CCDC74B: variants seen among roughly 807,000 people sequenced by gnomAD.
CCDC74B encodes coiled-coil domain-containing protein 74B.
In CCDC74B, 34 loss-of-function variants were observed where a neutral mutation model predicts 38.0. The observed-to-expected ratio is 0.89, with a 90% CI of 0.68 to 1.19. The LOEUF (loss-of-function observed/expected upper bound fraction) is 1.19, where lower values mean the gene tolerates loss of function less well. CCDC74B is among the 50% of genes most tolerant of loss of function. The pLI, the probability that CCDC74B is intolerant of heterozygous loss-of-function variation, is 0.00. For missense variants in CCDC74B, 358 were observed against 406.0 expected (o/e 0.88, Z 1.02); for synonymous variants, 132 against 170.4 (o/e 0.77, Z 1.76).
intron 1 of CCDC74B, 41 bp from the exon 2 acceptor site, chr2:130,143,354 A>T: frequency 6.2e-7 from 1 of 1,613,318 alleles, no homozygotes; most frequent in Non-Finnish European, 8.5e-7. Flanking sequence ...TTGTGAAACC[A>T]CAGCCATTCT....
In CCDC74B at chr2:130,144,953, G is replaced by A. The variant is rs779395547; in HGVS notation, c.44C>T (p.Ser15Leu). The change falls in exon 1 of 8, where the codon TCG becomes TTG. Residue 15 changes from serine to leucine, a missense_variant. By Grantham distance (145) the Ser-to-Leu change is moderately radical. This residue lies in a region of CCDC74B where 128 missense variants were observed against 146.7 expected (regional missense o/e 0.87). Transcript: ENST00000409943. ...CCGGCGCCGAGAGCCCGGGGTCGGC[G>A]AGCTGGGGGGCCGCGTCCCAGCCGC... is the stretch of plus-strand genomic sequence containing the variant. Reference protein sequence around the residue: ...GVAAGTRPPSSPTPGSRRRRQ... With the variant: ...GVAAGTRPPSLPTPGSRRRRQ... The A allele has an allele frequency of 1.9e-5, 29 of 1,493,000 alleles. 1 individual carries two copies. The highest frequency in any genetic ancestry group is 4.9e-4 in the Middle Eastern group (2 of 4,078). 92.5% of individuals were successfully genotyped at this position (1,493,000 alleles called of 1,614,324 possible).
Position 130,140,368 on chromosome 2 carries a change from C to T in CCDC74B, c.489G>A (p.Lys163=). 3 of 1,569,774 alleles carry T rather than the reference C, an allele frequency of 1.9e-6. No individual in the cohort carries two copies. Among genetic ancestry groups the T allele is most frequent in the Non-Finnish European group, 2.6e-6 (3 of 1,159,322 alleles). The change falls in exon 5 of 8, where the codon AAG becomes AAA. Residue 163 remains lysine (K), a synonymous_variant. Transcript: ENST00000409943. ...CTGCGTTAGAGGCCTCTGCTTTCTC[C>T]TTTCTGAAACAGTCATTGCAGCAGC... is the stretch of plus-strand genomic sequence containing the variant. ...KVPGVQGQAR[K]EKAEASNAGA...
Position 130,144,985 on chromosome 2 carries a change from C to G in CCDC74B, c.12G>C (p.Ala4=). The G allele has an allele frequency of 6.9e-7, 1 of 1,457,368 alleles. No individual in the cohort carries two copies. The highest frequency in any genetic ancestry group is 9.0e-7 in the Non-Finnish European group (1 of 1,105,452). 90.3% of individuals were successfully genotyped at this position (1,457,368 alleles called of 1,614,324 possible). A position where few individuals can be genotyped will look rare whatever the true frequency, so the allele number is the denominator to read the frequency against. The change falls in exon 1 of 8, where the codon GCG becomes GCC. Residue 4 remains alanine (A), a synonymous_variant. Coordinates refer to ENST00000409943, the MANE Select transcript of CCDC74B (RefSeq NM_001258307.2). ...GGGGCCGCGTCCCAGCCGCCACCCC[C>G]GCACCGCTCATATCGCCATCGCCAG... MSG[A]GVAAGTRPPS...
rs986949965 is a variant in CCDC74B, at chr2:130,139,405, G to T, written c.*150C>A. The stretch of plus-strand genomic sequence containing the variant: ...CAGCTAGAAAATAAACAGTTTGTCA[G>T]TTTGGAGATCAAGTACTTTATCTAT... On this transcript the variant is annotated 3_prime_UTR_variant, in exon 8 of 8. Transcript: ENST00000409943. 6 of 1,011,850 alleles carry T rather than the reference G, an allele frequency of 5.9e-6. No individual in the cohort carries two copies. Among genetic ancestry groups the T allele is most frequent in the Admixed American group, 5.8e-5 (2 of 34,472 alleles). 62.7% of individuals were successfully genotyped at this position (1,011,850 alleles called of 1,614,324 possible). A position where few individuals can be genotyped will look rare whatever the true frequency, so the allele number is the denominator to read the frequency against.
intron 2 of CCDC74B, chr2:130,142,836 T>C: frequency 6.5e-7 from 1 of 1,550,224 alleles, no homozygotes; most frequent in East Asian, 2.4e-5. Flanking sequence ...CAGGAAGGGA[T>C]CCCTGGATGG....
Position 130,139,581 on chromosome 2 carries a change from G to C in CCDC74B, c.919C>G (p.Arg307Gly). The change falls in exon 8 of 8, where the codon CGG becomes GGG. Residue 307 changes from arginine to glycine, a missense_variant. By Grantham distance (125) the Arg-to-Gly change is moderately radical. Around this residue, in one of 3 missense-constraint regions of CCDC74B, gnomAD observed 213 missense variants for 212.3 expected, o/e 1.00. Transcript: ENST00000409943. ...RQKRLQAMQKRRLHRSVL is the reference protein window; with the variant it reads ...RQKRLQAMQKGRLHRSVL ...CAAAGCACCGAGCGATGCAGGCGCCGTTTCTGCATTGCCTGCAGCCTCTTC... is the reference window on the plus strand; with the variant it reads ...CAAAGCACCGAGCGATGCAGGCGCCCTTTCTGCATTGCCTGCAGCCTCTTC... 1 of 1,613,350 alleles carries C rather than the reference G, an allele frequency of 6.2e-7. No individual in the cohort carries two copies.
intron 2 of CCDC74B, 118 bp from the exon 3 acceptor site, chr2:130,142,301 C>G (rs1235652833): frequency 6.2e-7 from 1 of 1,609,300 alleles, no homozygotes; most frequent in East Asian, 2.2e-5. Flanking sequence ...CCTCCCGGCT[C>G]TACCCACACT....
In CCDC74B at chr2:130,144,830, C is replaced by G. The variant is rs1376498294; in HGVS notation, c.167G>C (p.Ser56Thr). 6.2e-7 allele frequency: 1 copy of G among 1,613,562 alleles called. No individual in the cohort carries two copies. The highest frequency in any genetic ancestry group is 1.7e-5 in the Admixed American group (1 of 60,018). The change falls in exon 1 of 8, where the codon AGC (serine) becomes ACC (threonine). Residue 56 changes from serine to threonine, a missense_variant. This residue lies in a region of CCDC74B where 128 missense variants were observed against 146.7 expected (regional missense o/e 0.87). Coordinates refer to ENST00000409943, the MANE Select transcript of CCDC74B (RefSeq NM_001258307.2). Reference protein sequence around the residue: ...PQKRNLDLEKSLQFLQQQHSE... With the variant: ...PQKRNLDLEKTLQFLQQQHSE... ...GTGCTGCTGCTGCAGGAACTGTAGG[C>G]TCTTCTCCAGGTCCAGGTTCCGTTT...
At chr2:130,144,170 C>G (rs1224153027) in intron 1 of CCDC74B, among the ~76,000 whole-genome samples, 2 of 152,122 alleles carry the variant, frequency 1.3e-5, no homozygotes, top group Non-Finnish European at 2.9e-5. Context: ...GACGGAGTCT[C>G]GCTCTGTCAC....
In CCDC74B at chr2:130,139,543, G is replaced by T. The variant is rs1440405095; in HGVS notation, c.*12C>A. 6.2e-7 allele frequency: 1 copy of T among 1,613,306 alleles called. No individual in the cohort carries two copies. The highest frequency in any genetic ancestry group is 8.5e-7 in the Non-Finnish European group (1 of 1,179,984). On this transcript the variant is annotated 3_prime_UTR_variant, in exon 8 of 8. Transcript: ENST00000409943. ...AGGTTGGTGGGCCTGGCACTGACCA[G>T]ATGCGGGTAGCTCAAAGCACCGAGC...
chr2:130,141,186 T>C lies in CCDC74B; in HGVS notation c.457A>G (p.Lys153Glu), dbSNP rs1448655396. The C allele has an allele frequency of 6.2e-7, 1 of 1,612,968 alleles. No homozygotes were observed. The highest frequency in any genetic ancestry group is 1.7e-5 in the Admixed American group (1 of 59,938). Residue 153 changes from lysine (K) to glutamate (E), a missense_variant, in exon 4 of 8, where the codon AAG (lysine) becomes GAG (glutamate). Lys to Glu is a moderately conservative substitution (Grantham distance 56). This residue lies in a region of CCDC74B where 213 missense variants were observed against 212.3 expected (regional missense o/e 1.00). Transcript: ENST00000409943. The part of the protein sequence containing the change: ...EPLLHNSKLD[K>E]VPGVQGQARK... ...GCCTGCCCTTGTACCCCAGGAACCT[T>C]GTCCAGCTTGCTGTTGTGAAGTAGG...
At chr2:130,143,036 C>G in intron 2 of CCDC74B, 2 of 1,491,784 alleles carry the variant, frequency 1.3e-6, no homozygotes, top group Non-Finnish European at 8.9e-7. Flanking sequence ...CCCACCTCCC[C>G]ACTGCAATGA....
At position 130,144,529 on chromosome 2, in the gene CCDC74B, G is replaced by C. The variant is rs113940060; in HGVS notation, c.250+218C>G. On this transcript the variant is annotated intron_variant, in intron 1 of 7. Transcript: ENST00000409943. The stretch of plus-strand genomic sequence containing the variant: ...CAGCATCTGAAATGCTGCTGCCCTA[G>C]GAGACAGGCAGACAGGTTCGGCACT... The C allele has an allele frequency of 0.011, 16,897 of 1,544,568 alleles. 1,700 individuals are homozygous for C. In the African/African-American group the frequency reaches 0.2, roughly 18 times the overall value.
rs139997987 is a variant in CCDC74B at position 130,140,281 on chromosome 2, G to A, written c.576C>T (p.Pro192=). The part of the protein sequence containing the change: ...QGRQMGAAAH[P]PMILPLPLRK... ...GCAGGGGAAGGGGCAGGATCATTGGGGGGTGTGCCGCCGCCCCCATCTGCC... is the reference window on the plus strand; with the variant it reads ...GCAGGGGAAGGGGCAGGATCATTGGAGGGTGTGCCGCCGCCCCCATCTGCC... Residue 192 remains proline (P), a synonymous_variant, in exon 5 of 8, where the codon CCC becomes CCT. Transcript: ENST00000409943. 1.2e-6 allele frequency: 2 copies of A among 1,612,884 alleles called. No individual in the cohort carries two copies. The highest frequency in any genetic ancestry group is 2.7e-5 in the African/African-American group (2 of 75,042).
At chr2:130,143,386 C>T in intron 1 of CCDC74B, 73 bp from the exon 2 acceptor site, 2 of 1,591,036 alleles carry the variant, frequency 1.3e-6, no homozygotes, top group Non-Finnish European at 1.7e-6. Context: ...CCTGGCCTGT[C>T]CTCTCCTGGC....
chr2:130,143,237 T>C (rs1413536211), intron 2 of CCDC74B, 32 bp downstream of exon 2: 6 of 1,607,200 alleles, frequency 3.7e-6, no homozygotes, highest in Non-Finnish European at 5.1e-6. Context: ...GGCAAGAGCA[T>C]CCCATCAGGA....
chr2:130,140,004 G>A lies in CCDC74B; in HGVS notation c.752+19C>T, dbSNP rs766963833. The A allele has an allele frequency of 1.1e-5, 17 of 1,602,044 alleles. No homozygotes were observed. Among genetic ancestry groups the A allele is most frequent in the Non-Finnish European group, 1.4e-5 (17 of 1,174,436 alleles). ...GGATAGGCCCCCAGGGATGGGGCAG[G>A]GGTGCACCAGGCACTCACCTGGGAA... On this transcript the variant is annotated intron_variant, in intron 6 of 7. Transcript: ENST00000409943.
chr2:130,139,470 A>G lies in CCDC74B; in HGVS notation c.*85T>C. The G allele has an allele frequency of 3.3e-6, 5 of 1,507,936 alleles. No individual in the cohort carries two copies. The highest frequency in any genetic ancestry group is 1.4e-5 in the African/African-American group (1 of 71,806). The allele number at this position is 1,507,936 out of a possible 1,614,324, so 93.4% of individuals were successfully genotyped here. A position where few individuals can be genotyped will look rare whatever the true frequency, so the allele number is the denominator to read the frequency against. ...ATCTTGGAATTTAGCCAGGCCTAAAAGTAGCGGAAGTGTCAGGAAATGCTA... is the reference window on the plus strand; with the variant it reads ...ATCTTGGAATTTAGCCAGGCCTAAAGGTAGCGGAAGTGTCAGGAAATGCTA... On this transcript the variant is annotated 3_prime_UTR_variant, in exon 8 of 8. Coordinates refer to ENST00000409943, the MANE Select transcript of CCDC74B (RefSeq NM_001258307.2).
intron 1 of CCDC74B, among the ~76,000 whole-genome samples, chr2:130,143,920 T>G (rs1398195114): frequency 5.4e-3 from 263 of 48,500 alleles, no homozygotes; most frequent in Middle Eastern, 7.5e-3. Flanking sequence ...GCAGGAGGGG[T>G]GGGGGAGGAG....
Sources: allele counts gnomAD v4.1 joint callset (sites outside exome capture counted in the v4.1 genomes callset), GRCh38; gene constraint gnomAD v4.1.1; regional missense constraint gnomAD v4.1.1; transcripts MANE v1.5; gene names NCBI Gene and HGNC (gene_info 2026-07-23, HGNC 2026-07-21).